PIK3CB: variants seen among roughly 807,000 people sequenced by gnomAD.
PIK3CB encodes phosphatidylinositol 4,5-bisphosphate 3-kinase catalytic subunit beta isoform.
In PIK3CB, 39 loss-of-function variants were observed where a neutral mutation model predicts 136.8. The ratio of observed to expected loss-of-function variants is 0.29; its 90% confidence interval spans 0.22 to 0.37. The LOEUF is 0.37. PIK3CB is among the 10% of genes least tolerant of loss of function. PIK3CB has a pLI of 1.00. For missense variants in PIK3CB, 868 were observed against 1,275.4 expected, an observed-to-expected ratio of 0.68 and a Z score of 4.87; for synonymous variants, 428 against 436.6, an observed-to-expected ratio of 0.98 and a Z score of 0.25.
rs147520976 is a variant in PIK3CB, at chr3:138,682,914, A to C, written c.2425+764T>G. ...TTTGTAGTCACATAACTAACAAGTC[A>C]CCACTGCCTATTGGCTGGTATGATT... On this transcript the variant is annotated intron_variant, in intron 18 of 23. Transcript: ENST00000674063. 7.2e-5 allele frequency among the ~76,000 whole-genome samples: 11 copies of C among 152,298 alleles called. No individual in the cohort carries two copies. The East Asian group carries it at 2.1e-3, about 29-fold the overall frequency.
In PIK3CB at chr3:138,759,889, A is replaced by G. The variant is rs2045637936; in HGVS notation, c.-16-530T>C. On this transcript the variant is annotated intron_variant, in intron 2 of 23. Coordinates refer to ENST00000674063, the MANE Select transcript of PIK3CB (RefSeq NM_006219.3). ...AGAGGGCCCTCTCTCAACAAGAACA[A>G]TTTGCAATCAAGAGGGCCCTTTCTC... Among the ~76,000 whole-genome samples the G allele has an allele frequency of 2.0e-5, 3 of 151,794 alleles. 1 individual carries two copies. The South Asian group carries it at 6.2e-4, about 31-fold the overall frequency.
chr3:138,693,298 G>T (rs1479421426), intron 14 of PIK3CB, among the ~76,000 whole-genome samples: 2 of 152,082 alleles, frequency 1.3e-5, no homozygotes, highest in East Asian at 1.9e-4. Flanking sequence ...GCTTAACCAT[G>T]TTGCCAAGGC....
intron 2 of PIK3CB, among the ~76,000 whole-genome samples, chr3:138,782,055 T>G (rs990012269): frequency 6.6e-6 from 1 of 152,210 alleles, no homozygotes; most frequent in African/African-American, 2.4e-5. Context: ...CTAGCCAACT[T>G]TGTTAGATGT....
At chr3:138,744,938 C>T (rs2045323107) in intron 4 of PIK3CB, among the ~76,000 whole-genome samples, 2 of 152,210 alleles carry the variant, frequency 1.3e-5, no homozygotes, top group East Asian at 1.9e-4. Flanking sequence ...CCTTCACCAC[C>T]ACTGCTGCCT....
At chr3:138,782,258 C>A (rs528254380) in intron 2 of PIK3CB, among the ~76,000 whole-genome samples, 21 of 152,180 alleles carry the variant, frequency 1.4e-4, no homozygotes, top group Non-Finnish European at 2.8e-4. Context: ...CTGGATAAAG[C>A]CACAGAGCTG....
intron 1 of PIK3CB, among the ~76,000 whole-genome samples, chr3:138,806,500 A>C (rs969041686): frequency 6.6e-6 from 1 of 152,058 alleles, no homozygotes; most frequent in African/African-American, 2.4e-5. Context: ...AAAAAAGATC[A>C]CTGTTATATT....
intron 19 of PIK3CB, among the ~76,000 whole-genome samples, chr3:138,680,509 C>T (rs2043750340): frequency 6.6e-6 from 1 of 151,878 alleles, no homozygotes; most frequent in Non-Finnish European, 1.5e-5. Context: ...GTCTACAATT[C>T]CAATTTTAAA....
At chr3:138,738,495 A>G (rs1309437009) in intron 5 of PIK3CB, among the ~76,000 whole-genome samples, 1 of 152,124 alleles carries the variant, frequency 6.6e-6, no homozygotes, top group Non-Finnish European at 1.5e-5. Flanking sequence ...TATTTTGTAT[A>G]TATATTTTTA....
At chr3:138,791,055 GCTTC>G (rs2046042592) in intron 2 of PIK3CB, among the ~76,000 whole-genome samples, 2 of 151,968 alleles carry the variant, frequency 1.3e-5, no homozygotes, top group African/African-American at 2.4e-5. Flanking sequence ...CTTTTTCAAC[GCTTC>G]CTACCTCCCT....
intron 19 of PIK3CB, among the ~76,000 whole-genome samples, chr3:138,678,368 A>G (rs931646727): frequency 5.9e-5 from 9 of 152,194 alleles, no homozygotes; most frequent in African/African-American, 1.9e-4. Context: ...TATCTCTAAA[A>G]AAAATTTTTT....
chr3:138,742,584 C>T lies in PIK3CB; in HGVS notation c.595G>A (p.Val199Ile), dbSNP rs139214510. The change falls in exon 5 of 24, where the codon GTA (valine) becomes ATA (isoleucine). Residue 199 changes from valine (V) to isoleucine (I), a missense_variant. Val to Ile is a conservative substitution (Grantham distance 29, BLOSUM62 3). Around this residue, in one of 4 missense-constraint regions of PIK3CB, gnomAD observed 612 missense variants for 801.1 expected, o/e 0.76. Transcript: ENST00000674063. ...TGGCAGTTTTCAAAATGAACAGCTA[C>T]GATGAGCTTTCCCCCATAAAGTTTA... Reference protein sequence around the residue: ...EDKLYGGKLIVAVHFENCQDV... With the variant: ...EDKLYGGKLIIAVHFENCQDV... The T allele has an allele frequency of 1.9e-4, 301 of 1,574,018 alleles. No individual in the cohort carries two copies. The highest frequency in any genetic ancestry group is 1.0e-3 in the Middle Eastern group (6 of 5,992).
chr3:138,708,209 T>C (rs1447770108), intron 10 of PIK3CB, among the ~76,000 whole-genome samples: 1 of 152,024 alleles, frequency 6.6e-6, no homozygotes, highest in Non-Finnish European at 1.5e-5. Flanking sequence ...TCCTTAATTC[T>C]TCGTTCATCT....
chr3:138,813,477 G>A (rs1933168497), intron 1 of PIK3CB, among the ~76,000 whole-genome samples: 1 of 148,008 alleles, frequency 6.8e-6, no homozygotes, highest in African/African-American at 2.5e-5. Context: ...TGTCGCCCAG[G>A]CTGAAGTGCA....
intron 1 of PIK3CB, chr3:138,825,917 G>C (rs761846293): frequency 1.1e-5 from 17 of 1,560,500 alleles, no homozygotes; most frequent in Non-Finnish European, 1.5e-5. Context: ...CGGCAACGTT[G>C]CTGGTGACAG....
chr3:138,821,111 C>A (rs544213223), intron 1 of PIK3CB, among the ~76,000 whole-genome samples: 199 of 149,816 alleles, frequency 1.3e-3, no homozygotes, highest in South Asian at 2.1e-3. Context: ...ATGGTGAAAC[C>A]CCGTCTGTAC....
chr3:138,781,086 T>C (rs1272018468), intron 2 of PIK3CB, among the ~76,000 whole-genome samples: 1 of 152,036 alleles, frequency 6.6e-6, no homozygotes, highest in Non-Finnish European at 1.5e-5. Flanking sequence ...GCCCAGGAGC[T>C]CAAGGCCAAC....
chr3:138,717,860 T>C (rs1003018722), intron 8 of PIK3CB, among the ~76,000 whole-genome samples: 2 of 152,230 alleles, frequency 1.3e-5, no homozygotes, highest in Non-Finnish European at 2.9e-5. Context: ...CCTAAAGACA[T>C]GATCTCATTC....
intron 2 of PIK3CB, among the ~76,000 whole-genome samples, chr3:138,788,867 G>A (rs1409615293): frequency 6.6e-6 from 1 of 150,566 alleles, no homozygotes; most frequent in Admixed American, 6.6e-5. Flanking sequence ...GGGAGGCTGA[G>A]GCAGGAGAAT....
At chr3:138,729,867 T>C (rs2044933087) in intron 8 of PIK3CB, among the ~76,000 whole-genome samples, 1 of 152,226 alleles carries the variant, frequency 6.6e-6, no homozygotes, top group African/African-American at 2.4e-5. Context: ...ATTGGCTCTG[T>C]TTCTCTGGAG....
Sources: gnomAD v4.1 joint callset for allele counts (sites outside exome capture counted in the v4.1 genomes callset) on GRCh38, gnomAD v4.1.1 for gene constraint, gnomAD v4.1.1 regional missense constraint, MANE v1.5 for transcripts, NCBI Gene and HGNC (gene_info 2026-07-23, HGNC 2026-07-21) for gene names.